The following PTPRT variants were observed in gnomAD, a reference collection of about 807,000 sequenced individuals.
The protein encoded by PTPRT is protein tyrosine phosphatase receptor type T.
Under a neutral mutation model 176.8 loss-of-function variants are expected in PTPRT, and 56 were observed. That is an observed-to-expected ratio of 0.32 (90% confidence interval 0.26 to 0.40). The LOEUF (loss-of-function observed/expected upper bound fraction) is 0.40, where lower values mean the gene tolerates loss of function less well. PTPRT is among the 10% of genes least tolerant of loss of function. The pLI, the probability that PTPRT is intolerant of heterozygous loss-of-function variation, is 1.00. For missense variants in PTPRT, 1,540 were observed against 1,908.2 expected (o/e 0.81, Z 3.60); for synonymous variants, 783 against 739.0 (o/e 1.06, Z -0.96).
intron 9 of PTPRT, among the ~76,000 whole-genome samples, chr20:42,353,740 GT>G (rs1057184201): frequency 4.6e-5 from 7 of 152,266 alleles, no homozygotes; most frequent in East Asian, 1.9e-4. Context: ...GTCTTACCTG[GT>G]TTGTTCCATT....
At chr20:42,755,616 T>C (rs1288492798) in intron 6 of PTPRT, among the ~76,000 whole-genome samples, 1 of 145,750 alleles carries the variant, frequency 6.9e-6, no homozygotes, top group Non-Finnish European at 1.5e-5. Context: ...CAAAGAAAAA[T>C]CCATAAAGAT....
At chr20:42,843,488 TCAGGTAAATGTGG>T (rs2078314796) in intron 2 of PTPRT, among the ~76,000 whole-genome samples, 1 of 152,196 alleles carries the variant, frequency 6.6e-6, no homozygotes, top group Non-Finnish European at 1.5e-5. Flanking sequence ...TTGAGGTAAT[TCAGGTAAATGTGG>T]CAGATGGTAG....
intron 11 of PTPRT, among the ~76,000 whole-genome samples, chr20:42,336,074 A>C: frequency 6.6e-6 from 1 of 152,302 alleles, no homozygotes. Context: ...TAAAGAACTT[A>C]AAATCTTAGC....
At chr20:42,566,579 T>C (rs1473477649) in intron 7 of PTPRT, among the ~76,000 whole-genome samples, 1 of 152,156 alleles carries the variant, frequency 6.6e-6, no homozygotes, top group Non-Finnish European at 1.5e-5. Flanking sequence ...CAGGTGTTCC[T>C]CCAGGCACAT....
At position 42,285,793 on chromosome 20, in the gene PTPRT, A is replaced by G. The variant is rs1223601006; in HGVS notation, c.2140-3268T>C. 2.3e-5 allele frequency among the ~76,000 whole-genome samples: 3 copies of G among 128,248 alleles called. No individual in the cohort carries two copies. In the East Asian group the frequency reaches 6.9e-4, roughly 30 times the overall value. 84.1% of individuals were successfully genotyped at this position (128,248 alleles called of 152,430 possible). On this transcript the variant is annotated intron_variant, in intron 12 of 30. Transcript: ENST00000373187. ...ATCTTATGTATACGAAAAACCAAAA[A>G]CTTTACCAAAAAAACACTCCTAGAA...
At chr20:42,230,620 A>G (rs1357478759) in intron 15 of PTPRT, among the ~76,000 whole-genome samples, 1 of 152,172 alleles carries the variant, frequency 6.6e-6, no homozygotes, top group Non-Finnish European at 1.5e-5. Flanking sequence ...GCCACTCTAC[A>G]TACACACTCT....
intron 1 of PTPRT, among the ~76,000 whole-genome samples, chr20:42,970,392 G>A (rs2146061307): frequency 6.6e-6 from 1 of 152,280 alleles, no homozygotes; most frequent in Admixed American, 6.5e-5. Context: ...ATTGGCTGAT[G>A]GTCAGCCAGT....
Position 42,741,812 on chromosome 20 carries a change from G to A in PTPRT, c.859+14650C>T, listed in dbSNP as rs114858324. Reference sequence around the variant, plus strand: ...CCATAGGCACAGGCAATACCTAGACGTACTAGATACGGGTCAATAACTGCT... The same window carrying A: ...CCATAGGCACAGGCAATACCTAGACATACTAGATACGGGTCAATAACTGCT... On this transcript the variant is annotated intron_variant, in intron 6 of 30. Coordinates refer to ENST00000373187, the MANE Select transcript of PTPRT (RefSeq NM_007050.6). 9.6e-3 allele frequency among the ~76,000 whole-genome samples: 1,456 copies of A among 152,042 alleles called. 28 individuals are homozygous for A. Among genetic ancestry groups the A allele is most frequent in the African/African-American group, 0.033 (1,374 of 41,384 alleles).
intron 1 of PTPRT, among the ~76,000 whole-genome samples, chr20:43,008,587 G>C (rs552578549): frequency 6.6e-6 from 1 of 151,840 alleles, no homozygotes; most frequent in South Asian, 2.1e-4. Flanking sequence ...GCTACTTGAG[G>C]GTCTGAGGTG....
At chr20:42,034,465 A>T in the PTPRT span, among the ~76,000 whole-genome samples, 1 of 152,144 alleles carries the variant, frequency 6.6e-6, no homozygotes, top group Non-Finnish European at 1.5e-5. Context: ...TCACAGCCCA[A>T]TGGACACTCA....
In PTPRT at chr20:42,756,542, C is replaced by A. The variant is rs367872006; in HGVS notation, c.779G>T (p.Arg260Leu). Residue 260 changes from arginine to leucine, a missense_variant, in exon 6 of 31, where the codon CGG (arginine) becomes CTG (leucine). Physicochemically the swap from Arg to Leu is moderately radical, Grantham distance 102. Coordinates refer to ENST00000373187, the MANE Select transcript of PTPRT (RefSeq NM_007050.6). The part of the protein sequence containing the change: ...ATVSVADTAQ[R>L]SVSKYRCVIR... Reference sequence around the variant, plus strand: ...CACACAGCGGTACTTGCTGACGCTCCGCTGGGCAGTGTCTGCCACACTGAC... The same window carrying A: ...CACACAGCGGTACTTGCTGACGCTCAGCTGGGCAGTGTCTGCCACACTGAC... The A allele has an allele frequency of 2.5e-6, 4 of 1,613,008 alleles. No individual in the cohort carries two copies. The highest frequency in any genetic ancestry group is 3.4e-6 in the Non-Finnish European group (4 of 1,179,198).
chr20:42,083,029 T>C (rs895612573), intron 29 of PTPRT, among the ~76,000 whole-genome samples: 6 of 146,106 alleles, frequency 4.1e-5, no homozygotes, highest in African/African-American at 1.5e-4. Flanking sequence ...CCAAGTTCCC[T>C]GTTGGTAAAA....
At chr20:42,379,074 G>A (rs1200862386) in intron 9 of PTPRT, among the ~76,000 whole-genome samples, 2 of 152,184 alleles carry the variant, frequency 1.3e-5, no homozygotes, top group Non-Finnish European at 2.9e-5. Flanking sequence ...TTTTGAACAT[G>A]TAAGCCTTTG....
intron 11 of PTPRT, among the ~76,000 whole-genome samples, chr20:42,335,883 T>G (rs6030150): frequency 3.1e-3 from 472 of 152,270 alleles, no homozygotes; most frequent in Non-Finnish European, 5.2e-3. Flanking sequence ...AACATAGTAG[T>G]ACACTCCAGA....
chr20:42,721,730 G>T (rs1309490518), intron 6 of PTPRT, among the ~76,000 whole-genome samples: 1 of 152,186 alleles, frequency 6.6e-6, no homozygotes, highest in Non-Finnish European at 1.5e-5. Flanking sequence ...TCAGGTTTCT[G>T]GCCTTTTCCA....
intron 27 of PTPRT, among the ~76,000 whole-genome samples, chr20:42,096,076 C>G (rs1985192062): frequency 6.6e-6 from 1 of 152,186 alleles, no homozygotes. Context: ...CTCCCTAAAC[C>G]TTGGGGACTT....
intron 1 of PTPRT, among the ~76,000 whole-genome samples, chr20:43,166,710 A>C (rs2146452174): frequency 6.6e-6 from 1 of 152,314 alleles, no homozygotes; most frequent in South Asian, 2.1e-4. Flanking sequence ...AAATTCAATC[A>C]CAGCTGTACA....
At chr20:42,640,394 T>TA (rs527531245) in intron 7 of PTPRT, among the ~76,000 whole-genome samples, 110 of 147,406 alleles carry the variant, frequency 7.5e-4, no homozygotes, top group Non-Finnish European at 1.0e-3. Flanking sequence ...GAGACTTCTT[T>TA]AAAAAAAAAA....
chr20:42,842,559 A>G (rs1372365392), intron 2 of PTPRT, among the ~76,000 whole-genome samples: 2 of 151,686 alleles, frequency 1.3e-5, no homozygotes, highest in Non-Finnish European at 2.9e-5. Context: ...AGCTGGGATT[A>G]CAGAAGTGCA....
Sources: gnomAD v4.1 joint callset for allele counts (sites outside exome capture counted in the v4.1 genomes callset) on GRCh38, gnomAD v4.1.1 for gene constraint, MANE v1.5 for transcripts, NCBI Gene and HGNC (gene_info 2026-07-23, HGNC 2026-07-21) for gene names.